The following SNTG1 variants were observed in gnomAD, a reference collection of about 807,000 sequenced individuals.
SNTG1 encodes the protein syntrophin gamma 1.
Under a neutral mutation model 74.7 loss-of-function variants are expected in SNTG1, and 39 were observed. The ratio of observed to expected loss-of-function variants is 0.52; its 90% CI spans 0.40 to 0.68. The LOEUF is 0.68. Among genes scored for constraint, SNTG1 ranks in the 30% least tolerant of loss-of-function variants. The pLI, the probability that SNTG1 is intolerant of heterozygous loss-of-function variation, is 0.00. For synonymous variants in SNTG1, 254 were observed against 217.1 expected (o/e 1.17, Z -1.49); for missense variants, 685 against 609.5 (o/e 1.12, Z -1.30).
At chr8:50,416,972 T>G (rs1177906758) in intron 4 of SNTG1, among the ~76,000 whole-genome samples, 1 of 152,180 alleles carries the variant, frequency 6.6e-6, no homozygotes. Flanking sequence ...TACATTCAAG[T>G]GCACTTTGGA....
intron 17 of SNTG1, among the ~76,000 whole-genome samples, chr8:50,750,225 A>G (rs2095564244): frequency 1.3e-5 from 2 of 152,036 alleles, no homozygotes; most frequent in South Asian, 4.1e-4. Flanking sequence ...CAAGAAAACT[A>G]AAATTATAAC....
intron 2 of SNTG1, among the ~76,000 whole-genome samples, chr8:50,222,154 A>G (rs2085103200): frequency 6.6e-6 from 1 of 152,178 alleles, no homozygotes; most frequent in East Asian, 1.9e-4. Context: ...TGGGTTCTAG[A>G]CTAGTAAATT....
At chr8:50,669,902 A>C (rs376775868) in intron 15 of SNTG1, among the ~76,000 whole-genome samples, 73 of 152,234 alleles carry the variant, frequency 4.8e-4, no homozygotes, top group Non-Finnish European at 7.8e-4. Flanking sequence ...CAAATCAATA[A>C]ATGTAATCCA....
intron 13 of SNTG1, among the ~76,000 whole-genome samples, chr8:50,614,141 CTT>C (rs1291163902): frequency 1.3e-5 from 2 of 151,926 alleles, no homozygotes; most frequent in Non-Finnish European, 1.5e-5. Context: ...TATTTAATGA[CTT>C]AAGAAACAAT....
chr8:50,008,486 G>A (rs318923), intron 1 of SNTG1, among the ~76,000 whole-genome samples: 4 of 152,052 alleles, frequency 2.6e-5, no homozygotes, highest in Non-Finnish European at 4.4e-5. Context: ...AGTTTATTAC[G>A]GAGATTTTTT....
intron 1 of SNTG1, among the ~76,000 whole-genome samples, chr8:50,064,569 C>T (rs1820748565): frequency 6.6e-6 from 1 of 152,224 alleles, no homozygotes; most frequent in African/African-American, 2.4e-5. Flanking sequence ...CTGTCACCCT[C>T]AATGCTGATC....
At chr8:50,479,626 T>C (rs2093723933) in intron 8 of SNTG1, among the ~76,000 whole-genome samples, 1 of 152,112 alleles carries the variant, frequency 6.6e-6, no homozygotes, top group Admixed American at 6.6e-5. Context: ...TTATTCCAAC[T>C]CTGCCTGAGA....
intron 16 of SNTG1, among the ~76,000 whole-genome samples, chr8:50,706,926 G>A (rs1394560269): frequency 6.6e-6 from 1 of 151,916 alleles, no homozygotes; most frequent in Non-Finnish European, 1.5e-5. Context: ...CTTTCAAAGT[G>A]TTCCTCATTT....
At chr8:50,343,257 T>G (rs2091373069) in intron 2 of SNTG1, among the ~76,000 whole-genome samples, 1 of 152,212 alleles carries the variant, frequency 6.6e-6, no homozygotes, top group South Asian at 2.1e-4. Context: ...TCAGCATTGA[T>G]TCAATAGATT....
At chr8:50,488,082 T>C (rs962908372) in intron 8 of SNTG1, among the ~76,000 whole-genome samples, 22 of 152,222 alleles carry the variant, frequency 1.4e-4, no homozygotes, top group Non-Finnish European at 4.4e-5. Context: ...TTCTATCTTG[T>C]TTTCTGTATC....
chr8:50,686,041 T>G (rs554149363), intron 15 of SNTG1, among the ~76,000 whole-genome samples: 12 of 152,332 alleles, frequency 7.9e-5, no homozygotes, highest in Non-Finnish European at 1.5e-4. Flanking sequence ...AGTAGTAGTC[T>G]ATTTCAATTA....
intron 8 of SNTG1, 107 bp downstream of exon 8, chr8:50,450,836 C>A: frequency 1.8e-6 from 2 of 1,109,058 alleles, no homozygotes; most frequent in Non-Finnish European, 2.6e-6. Context: ...TGACATTTAT[C>A]CAGTTTGATA....
intron 2 of SNTG1, among the ~76,000 whole-genome samples, chr8:50,346,996 C>A (rs747234869): frequency 6.6e-6 from 1 of 152,232 alleles, no homozygotes; most frequent in South Asian, 2.1e-4. Context: ...GATGTAGAAG[C>A]TGCAGCAAGT....
chr8:50,578,679 T>A (rs1398154740), intron 12 of SNTG1, among the ~76,000 whole-genome samples: 2 of 152,194 alleles, frequency 1.3e-5, no homozygotes, highest in African/African-American at 4.8e-5. Flanking sequence ...CAAGATCTGA[T>A]GACTTTATAA....
At chr8:50,439,148 C>A (rs2093334814) in intron 5 of SNTG1, among the ~76,000 whole-genome samples, 1 of 151,758 alleles carries the variant, frequency 6.6e-6, no homozygotes, top group African/African-American at 2.4e-5. Context: ...TTTTAAAGGC[C>A]TTTATTTTGT....
intron 1 of SNTG1, among the ~76,000 whole-genome samples, chr8:49,990,026 T>C (rs1813529696): frequency 1.3e-5 from 2 of 151,954 alleles, no homozygotes; most frequent in Admixed American, 1.3e-4. Context: ...ATCTTTCCTG[T>C]AAGATCAAGA....
chr8:50,295,227 A>G lies in SNTG1; in HGVS notation c.-27-98985A>G, dbSNP rs554550616. 2.6e-5 allele frequency among the ~76,000 whole-genome samples: 4 copies of G among 152,314 alleles called. No individual in the cohort carries two copies. The South Asian group carries it at 8.3e-4, about 32-fold the overall frequency. ...AGAAATAATAATCATGTTTTCTAAT[A>G]ATGATAATCCAGGTCACTGTAAACA... is the stretch of plus-strand genomic sequence containing the variant. On this transcript the variant is annotated intron_variant, in intron 2 of 18. Transcript: ENST00000642720.
intron 1 of SNTG1, among the ~76,000 whole-genome samples, chr8:50,123,692 T>G (rs891851076): frequency 1.4e-5 from 2 of 142,366 alleles, no homozygotes; most frequent in African/African-American, 5.1e-5. Flanking sequence ...TTTTATTTTG[T>G]TTTTCCTACT....
At chr8:49,999,512 A>C (rs1332767515) in intron 1 of SNTG1, among the ~76,000 whole-genome samples, 1 of 152,112 alleles carries the variant, frequency 6.6e-6, no homozygotes, top group Non-Finnish European at 1.5e-5. Flanking sequence ...TCAGTGACTT[A>C]CATCTCACTC....
Sources: gnomAD v4.1 joint callset for allele counts (sites outside exome capture counted in the v4.1 genomes callset) on GRCh38, gnomAD v4.1.1 for gene constraint, MANE v1.5 for transcripts, NCBI Gene and HGNC (gene_info 2026-07-23, HGNC 2026-07-21) for gene names.